PCDHA1: variants seen among roughly 807,000 people sequenced by gnomAD.
PCDHA1 encodes the protein protocadherin alpha-1.
A neutral mutation model predicts 61.3 loss-of-function variants in PCDHA1; 42 were observed. The ratio of observed to expected loss-of-function variants is 0.69; its 90% CI spans 0.54 to 0.89. The LOEUF is 0.89. Ranked by LOEUF, PCDHA1 falls within the 40% of genes least tolerant of loss-of-function variation. The probability of loss-of-function intolerance (pLI) is 0.00; values close to 1 mark genes in which losing one functional copy is unlikely to be tolerated. For synonymous variants in PCDHA1, 610 were observed against 553.8 expected (o/e 1.10, Z -1.43); for missense variants, 1,256 against 1,235.3 (o/e 1.02, Z -0.25).
rs2150246964 is a variant in PCDHA1, at chr5:140,835,869, G to A, written c.2394+47185G>A. On this transcript the variant is annotated intron_variant, in intron 1 of 3. Transcript: ENST00000504120. ...CGCGCTGGTGTCCTACTCGCTGGTG[G>A]AGCTGCGGGTGGGCGAGCGCGCGCT... The A allele has an allele frequency of 6.8e-6, 11 of 1,611,976 alleles. No individual in the cohort carries two copies. The African/African-American group carries it at 1.3e-4, about 20-fold the overall frequency.
intron 1 of PCDHA1, among the ~76,000 whole-genome samples, chr5:140,922,430 A>C (rs574413053): frequency 6.6e-6 from 1 of 152,364 alleles, no homozygotes; most frequent in East Asian, 1.9e-4. Flanking sequence ...GGCTGAGGGC[A>C]GAACTCTCTC....
chr5:140,988,818 CCAAA>C (rs1193685505), intron 3 of PCDHA1: 2 of 152,060 alleles, frequency 1.3e-5, no homozygotes, highest in Non-Finnish European at 2.9e-5. Flanking sequence ...AACAGTAGCC[CCAAA>C]CAGAGATCAC....
intron 1 of PCDHA1, chr5:140,830,436 T>C (rs2150186408): frequency 1.3e-5 from 21 of 1,612,796 alleles, no homozygotes; most frequent in South Asian, 5.5e-5. Flanking sequence ...TGTCCTATTA[T>C]GATGGGTAAG....
At chr5:140,909,502 G>A (rs1583705871) in intron 1 of PCDHA1, among the ~76,000 whole-genome samples, 2 of 152,180 alleles carry the variant, frequency 1.3e-5, no homozygotes. Flanking sequence ...CGGGGATGTG[G>A]TGGGAATCAC....
chr5:140,876,685 T>C, intron 1 of PCDHA1: 1 of 1,614,216 alleles, frequency 6.2e-7, no homozygotes, highest in Non-Finnish European at 8.5e-7. Flanking sequence ...CAAGAATTAC[T>C]ACTCGTTGGT....
chr5:140,903,962 G>C (rs548680386), intron 1 of PCDHA1, among the ~76,000 whole-genome samples: 21 of 152,226 alleles, frequency 1.4e-4, no homozygotes. Flanking sequence ...ATTATTTGTT[G>C]ATTTTTGGTC....
chr5:140,842,285 G>A lies in PCDHA1; in HGVS notation c.2394+53601G>A, dbSNP rs1777851856. 1.9e-6 allele frequency: 3 copies of A among 1,610,382 alleles called. No homozygotes were observed. The highest frequency in any genetic ancestry group is 2.5e-6 in the Non-Finnish European group (3 of 1,176,908). On this transcript the variant is annotated intron_variant, in intron 1 of 3. Transcript: ENST00000504120. ...AAACTTATACAAAATCCTCATTGAC[G>A]CCACGGACAAAGGCCATCCTCCCAT...
intron 1 of PCDHA1, among the ~76,000 whole-genome samples, chr5:140,800,655 T>A (rs1210097988): frequency 6.6e-6 from 1 of 152,194 alleles, no homozygotes; most frequent in Non-Finnish European, 1.5e-5. Flanking sequence ...TTAACCTCTA[T>A]GTGTTTATAA....
chr5:140,885,525 A>G (rs1206570848), intron 1 of PCDHA1, among the ~76,000 whole-genome samples: 4 of 152,128 alleles, frequency 2.6e-5, no homozygotes, highest in Admixed American at 6.6e-5. Flanking sequence ...ATCATTTCAT[A>G]TATTTCCCAA....
intron 1 of PCDHA1, chr5:140,814,096 A>G (rs1320387374): frequency 6.5e-6 from 1 of 153,604 alleles, no homozygotes; most frequent in Non-Finnish European, 1.4e-5. Context: ...CTTTTGTAAT[A>G]ACGCTTAGCT....
At chr5:140,916,933 A>G (rs1554197692) in intron 1 of PCDHA1, among the ~76,000 whole-genome samples, 3 of 152,162 alleles carry the variant, frequency 2.0e-5, no homozygotes, top group Non-Finnish European at 4.4e-5. Context: ...ACTTAAGCAT[A>G]TAGTGGTGAG....
Position 140,787,371 on chromosome 5 carries a change from G to C in PCDHA1, c.1081G>C (p.Glu361Gln). Residue 361 changes from glutamate to glutamine, a missense_variant, in exon 1 of 4, where the codon GAG becomes CAG. Coordinates refer to ENST00000504120, the MANE Select transcript of PCDHA1 (RefSeq NM_018900.4). ...CACTTCATTGTATTTGCCTATCAGA[G>C]AGGACGCTCCACTCAGCACCGTCAT... The part of the protein sequence containing the change: ...AVTSLYLPIR[E>Q]DAPLSTVIAL... 6.2e-7 allele frequency: 1 copy of C among 1,614,206 alleles called. No individual in the cohort carries two copies. The highest frequency in any genetic ancestry group is 8.5e-7 in the Non-Finnish European group (1 of 1,180,026).
chr5:140,993,523 CAG>C (rs111789518), intron 3 of PCDHA1, among the ~76,000 whole-genome samples: 1,510 of 145,458 alleles, frequency 0.01, 24 homozygotes, highest in African/African-American at 0.035. Flanking sequence ...GAGAGAGAGA[CAG>C]AGAGAGAGAG....
intron 1 of PCDHA1, chr5:140,871,636 T>G (rs1311531075): frequency 1.5e-6 from 2 of 1,364,670 alleles, no homozygotes; most frequent in African/African-American, 2.9e-5. Flanking sequence ...TGTCTGTTCA[T>G]AAAATACCAA....
At chr5:140,955,965 T>C (rs2095242955) in intron 1 of PCDHA1, among the ~76,000 whole-genome samples, 1 of 152,204 alleles carries the variant, frequency 6.6e-6, no homozygotes, top group Admixed American at 6.5e-5. Context: ...TGTTTGTGCA[T>C]AGGAATGCTA....
intron 1 of PCDHA1, chr5:140,865,276 A>C (rs1259929585): frequency 6.6e-6 from 1 of 152,182 alleles, no homozygotes; most frequent in African/African-American, 2.4e-5. Flanking sequence ...TTATATGTAA[A>C]ATTACTTTGC....
chr5:140,955,156 G>A (rs556311036), intron 1 of PCDHA1, among the ~76,000 whole-genome samples: 25 of 152,262 alleles, frequency 1.6e-4, no homozygotes, highest in East Asian at 3.9e-4. Context: ...TACCAGTACC[G>A]TGCTGTTTTG....
intron 1 of PCDHA1, among the ~76,000 whole-genome samples, chr5:140,946,042 C>T (rs967126849): frequency 4.6e-4 from 70 of 152,118 alleles, no homozygotes; most frequent in African/African-American, 1.6e-3. Flanking sequence ...AGTGAAGGGA[C>T]AATCCACAGA....
chr5:140,909,249 G>A (rs1180498257), intron 1 of PCDHA1, among the ~76,000 whole-genome samples: 1 of 152,196 alleles, frequency 6.6e-6, no homozygotes, highest in Non-Finnish European at 1.5e-5. Flanking sequence ...TATATTGCTG[G>A]CCTTGCTGAC....
Sources: gnomAD v4.1 joint callset for allele counts (sites outside exome capture counted in the v4.1 genomes callset) on GRCh38, gnomAD v4.1.1 for gene constraint, MANE v1.5 for transcripts, NCBI Gene and HGNC (gene_info 2026-07-23, HGNC 2026-07-21) for gene names.